The following SF1 variants were observed in gnomAD, a reference collection of about 807,000 sequenced individuals.
SF1 encodes splicing factor 1.
SF1 carries 7 observed loss-of-function variants against 62.5 expected under a neutral mutation model. The ratio of observed to expected loss-of-function variants is 0.11; its 90% CI spans 0.06 to 0.21. The LOEUF is 0.21. Among genes scored for constraint, SF1 ranks in the 10% least tolerant of loss-of-function variants. The pLI is 1.00. For missense variants in SF1, 578 were observed against 884.0 expected (o/e 0.65, Z 4.39); for synonymous variants, 394 against 323.6 (o/e 1.22, Z -2.33).
chr11:64,766,669 TC>T (rs992099980), intron 12 of SF1: 53 of 446,466 alleles, frequency 1.2e-4, no homozygotes, highest in African/African-American at 9.4e-4. Flanking sequence ...AATAGCAGGC[TC>T]CCCTCCAGGC....
intron 2 of SF1, chr11:64,776,243 G>A (rs765910145): frequency 1.6e-4 from 65 of 411,220 alleles, no homozygotes; most frequent in Non-Finnish European, 2.6e-4. Context: ...TGCTGGACTG[G>A]GGACTGTTCT....
rs542701602 is a variant in SF1 at position 64,766,976 on chromosome 11, T to C, written c.1506A>G (p.Gln502=). The C allele has an allele frequency of 2.3e-5, 34 of 1,508,674 alleles. No individual in the cohort carries two copies. Among genetic ancestry groups the C allele is most frequent in the African/African-American group, 8.4e-5 (6 of 71,448 alleles). The allele number at this position is 1,508,674 out of a possible 1,614,324, so 93.5% of individuals were successfully genotyped here. A position where few individuals can be genotyped will look rare whatever the true frequency, so the allele number is the denominator to read the frequency against. The part of the protein sequence containing the change: ...PPSGPLPPWQ[Q]QQQQPPPPPP... ...GGGGTGGCGGAGGCTGCTGCTGCTG[T>C]TGTTGCCATGGGGGAAGAGGACCAG... Residue 502 remains glutamine (Q), a synonymous_variant, in exon 12 of 13, where the codon CAA becomes CAG. Coordinates refer to ENST00000377390, the MANE Select transcript of SF1 (RefSeq NM_004630.4).
At chr11:64,766,805 C>G (rs1276959290) in intron 12 of SF1, 95 bp downstream of exon 12, 5 of 1,082,346 alleles carry the variant, frequency 4.6e-6, no homozygotes, top group Non-Finnish European at 6.4e-6. Context: ...AGGGGCTCAT[C>G]CCAAGACACC....
At chr11:64,768,491 C>T (rs1937722679) in intron 8 of SF1, among the ~76,000 whole-genome samples, 1 of 152,236 alleles carries the variant, frequency 6.6e-6, no homozygotes, top group South Asian at 2.1e-4. Flanking sequence ...CTGGGATCAC[C>T]AGAGTAGAGG....
Position 64,770,017 on chromosome 11 carries a change from A to G in SF1, c.426T>C (p.Ile142=). ...PATRVSDKVM[I]PQDEYPEINF... ...TGATTTCTGGGTACTCATCTTGTGG[A>G]ATCATGACTTTATCACTCACACGTG... The change falls in exon 5 of 13, where the codon ATT becomes ATC. Residue 142 remains isoleucine, a synonymous_variant. Coordinates refer to ENST00000377390, the MANE Select transcript of SF1 (RefSeq NM_004630.4). 1 of 1,614,168 alleles carries G rather than the reference A, an allele frequency of 6.2e-7. No homozygotes were observed. Among genetic ancestry groups the G allele is most frequent in the South Asian group, 1.1e-5 (1 of 91,080 alleles).
At chr11:64,776,789 G>C (rs1018061968) in intron 1 of SF1, among the ~76,000 whole-genome samples, 163 bp from the exon 2 acceptor site, 3 of 152,166 alleles carry the variant, frequency 2.0e-5, no homozygotes. Flanking sequence ...TCAGAGATCA[G>C]AGATTTAAAG....
rs755185697 is a variant in SF1 at position 64,765,422 on chromosome 11, G to A, written c.*396C>T. On this transcript the variant is annotated 3_prime_UTR_variant, in exon 13 of 13. Coordinates refer to ENST00000377390, the MANE Select transcript of SF1 (RefSeq NM_004630.4). ...CTTTGCCGAACCATCCTGTCCACCA[G>A]GGGCGTTGCTGAGGCTGTCTGCCTG... 1.3e-6 allele frequency: 2 copies of A among 1,513,584 alleles called. No individual in the cohort carries two copies. Among genetic ancestry groups the A allele is most frequent in the South Asian group, 1.1e-5 (1 of 89,046 alleles). 93.8% of individuals were successfully genotyped at this position (1,513,584 alleles called of 1,614,324 possible).
At chr11:64,776,417 A>C (rs769908526) in intron 2 of SF1, 81 bp downstream of exon 2, 27 of 1,466,222 alleles carry the variant, frequency 1.8e-5, no homozygotes, top group Non-Finnish European at 2.5e-5. Flanking sequence ...CTACAATCTC[A>C]AACTTTCAAA....
rs1165229325 is a variant in SF1, at chr11:64,778,533, C to T, written c.-141G>A. ...TCTCACGCGGCGGGCGGCGGCGGCGCGAGACGCACAAAGAGGGAGGAGAGA... is the reference window on the plus strand; with the variant it reads ...TCTCACGCGGCGGGCGGCGGCGGCGTGAGACGCACAAAGAGGGAGGAGAGA... On this transcript the variant is annotated 5_prime_UTR_variant, in exon 1 of 13. Coordinates refer to ENST00000377390, the MANE Select transcript of SF1 (RefSeq NM_004630.4). 5 of 1,185,888 alleles carry T rather than the reference C, an allele frequency of 4.2e-6. No homozygotes were observed. Among genetic ancestry groups the T allele is most frequent in the Non-Finnish European group, 5.2e-6 (5 of 956,390 alleles). The allele number at this position is 1,185,888 out of a possible 1,614,324, so 73.5% of individuals were successfully genotyped here.
rs370714764 is a variant in SF1 at position 64,776,529 on chromosome 11, T to A, written c.129A>T (p.Gly43=). Residue 43 remains glycine, a synonymous_variant, in exon 2 of 13, where the codon GGA becomes GGT. Transcript: ENST00000377390. ...IPGMPTVIPP[G]LTREQERAYI... ...AAGCTCTTTCTTGTTCTCGAGTAAGTCCAGGGGGAATAACTGTAGGCATTC... is the reference window on the plus strand; with the variant it reads ...AAGCTCTTTCTTGTTCTCGAGTAAGACCAGGGGGAATAACTGTAGGCATTC... The A allele has an allele frequency of 5.8e-5, 91 of 1,573,360 alleles. No individual in the cohort carries two copies. Among genetic ancestry groups the A allele is most frequent in the Middle Eastern group, 3.4e-4 (2 of 5,892 alleles).
At position 64,776,760 on chromosome 11, in the gene SF1, A is replaced by ATTT. The variant is rs1216656314; in HGVS notation, c.32-135_32-134insAAA. On this transcript the variant is annotated intron_variant, in intron 1 of 12. Transcript: ENST00000377390. ...AGCTTAACCTAAAACTTAAACATTA[A>ATTT]AAAAACAGAAAACAAACCTCAGAGA... The ATTT allele has an allele frequency of 1.9e-5, 15 of 804,116 alleles. No homozygotes were observed. The African/African-American group carries it at 2.5e-4, about 14-fold the overall frequency. The allele number at this position is 804,116 out of a possible 1,614,324, so 49.8% of individuals were successfully genotyped here. A position where few individuals can be genotyped will look rare whatever the true frequency, so the allele number is the denominator to read the frequency against.
In SF1 at chr11:64,766,909, A is replaced by G; in HGVS notation, c.1573T>C (p.Trp525Arg). 9.1e-7 allele frequency: 1 copy of G among 1,096,568 alleles called. No homozygotes were observed. 67.9% of individuals were successfully genotyped at this position (1,096,568 alleles called of 1,614,324 possible). The change falls in exon 12 of 13, where the codon TGG (tryptophan) becomes CGG (arginine). Residue 525 changes from tryptophan to arginine, a missense_variant. Trp to Arg is a moderately radical substitution (Grantham distance 101). Coordinates refer to ENST00000377390, the MANE Select transcript of SF1 (RefSeq NM_004630.4). The stretch of plus-strand genomic sequence containing the variant: ...AAAATATTCTACTCACTTTGCTGCC[A>G]TGGCAAGGGGGTACTGGAAGCCATA... ...SSMASSTPLP[W>R]QQNTTTTTTS...
At chr11:64,770,208 A>G (rs1334624025) in intron 4 of SF1, 48 bp downstream of exon 4, 2 of 1,595,464 alleles carry the variant, frequency 1.3e-6, no homozygotes, top group East Asian at 4.5e-5. Flanking sequence ...CAGGTCACCC[A>G]TGATCTGCAT....
At position 64,767,824 on chromosome 11, in the gene SF1, C is replaced by G; in HGVS notation, c.1089G>C (p.Gln363His). ...PPPPSLMSTT[Q>H]SRPPWMNSGP... ...CAGAATTCATCCAGGGTGGGCGGCT[C>G]TGGGTGGTAGACATGAGAGACTACG... is the stretch of plus-strand genomic sequence containing the variant. The change falls in exon 10 of 13, where the codon CAG (glutamine) becomes CAC (histidine). Residue 363 changes from glutamine (Q) to histidine (H), a missense_variant. Physicochemically the swap from Gln to His is conservative, Grantham distance 24. Transcript: ENST00000377390. 1.9e-6 allele frequency: 3 copies of G among 1,613,358 alleles called. No homozygotes were observed. The highest frequency in any genetic ancestry group is 2.5e-6 in the Non-Finnish European group (3 of 1,179,652).
chr11:64,777,252 T>C (rs555833584), intron 1 of SF1, among the ~76,000 whole-genome samples: 2 of 152,132 alleles, frequency 1.3e-5, no homozygotes, highest in South Asian at 4.1e-4. Context: ...ACCTATACAA[T>C]AGCAGCCAAG....
At chr11:64,771,495 TG>T (rs1309741733) in intron 3 of SF1, 3 of 985,276 alleles carry the variant, frequency 3.0e-6, no homozygotes, top group Non-Finnish European at 3.6e-6. Flanking sequence ...CTTGCCTAGT[TG>T]GAGAGCAAGG....
intron 2 of SF1, among the ~76,000 whole-genome samples, chr11:64,774,657 T>C (rs1938864519): frequency 1.3e-5 from 2 of 152,108 alleles, no homozygotes; most frequent in African/African-American, 4.8e-5. Context: ...TGAAAACCCA[T>C]TATTATCGAA....
At chr11:64,772,991 G>T in intron 3 of SF1, 9 of 996,316 alleles carry the variant, frequency 9.0e-6, no homozygotes, top group Non-Finnish European at 9.6e-6. Flanking sequence ...CTGCAGCAAT[G>T]AGCTGACCAG....
intron 8 of SF1, among the ~76,000 whole-genome samples, chr11:64,768,506 C>A (rs942828987): frequency 6.6e-6 from 1 of 152,228 alleles, no homozygotes; most frequent in Non-Finnish European, 1.5e-5. Flanking sequence ...TAGAGGGGCC[C>A]CTGGGCGAAG....
Sources: gnomAD v4.1 joint callset for allele counts (sites outside exome capture counted in the v4.1 genomes callset) on GRCh38, gnomAD v4.1.1 for gene constraint, MANE v1.5 for transcripts, NCBI Gene and HGNC (gene_info 2026-07-23, HGNC 2026-07-21) for gene names.